Variants in JAZF1 observed in about 807,000 individuals in gnomAD.
JAZF1 encodes JAZF zinc finger 1.
Under a neutral mutation model 26.4 loss-of-function variants are expected in JAZF1, and 8 were observed. The observed-to-expected ratio is 0.30, with a 90% CI of 0.18 to 0.55. JAZF1 has a LOEUF of 0.55. Ranked by LOEUF, JAZF1 falls within the 20% of genes least tolerant of loss-of-function variation. JAZF1 has a pLI of 0.94. For missense variants in JAZF1, 199 were observed against 322.0 expected, an observed-to-expected ratio of 0.62 and a Z score of 2.92; for synonymous variants, 126 against 122.3, an observed-to-expected ratio of 1.03 and a Z score of -0.20.
intron 2 of JAZF1, among the ~76,000 whole-genome samples, chr7:27,962,942 C>G (rs571012844): frequency 6.6e-6 from 1 of 152,272 alleles, no homozygotes; most frequent in South Asian, 2.1e-4. Flanking sequence ...AGCTCTGAAG[C>G]TTAACAGAAA....
chr7:27,939,483 C>T (rs2099218219), intron 2 of JAZF1, among the ~76,000 whole-genome samples: 1 of 152,198 alleles, frequency 6.6e-6, no homozygotes, highest in South Asian at 2.1e-4. Flanking sequence ...TTTTAGAGGC[C>T]CCTGGATCTG....
chr7:28,001,883 T>C (rs1782595053), intron 1 of JAZF1, among the ~76,000 whole-genome samples: 1 of 152,216 alleles, frequency 6.6e-6, no homozygotes, highest in Non-Finnish European at 1.5e-5. Flanking sequence ...AGAAGACTTT[T>C]CTTATGTTAT....
At chr7:28,084,332 C>T (rs991581898) in intron 1 of JAZF1, among the ~76,000 whole-genome samples, 1 of 152,206 alleles carries the variant, frequency 6.6e-6, no homozygotes, top group Admixed American at 6.5e-5. Context: ...CCCTTTCCAT[C>T]AGGCCAACTA....
Position 27,899,298 on chromosome 7 carries a change from A to G in JAZF1, c.189-3882T>C, listed in dbSNP as rs187031179. Among the ~76,000 whole-genome samples the G allele has an allele frequency of 1.9e-3, 287 of 152,314 alleles. 2 individuals carry two copies. The highest frequency in any genetic ancestry group is 6.6e-3 in the African/African-American group (276 of 41,586). On this transcript the variant is annotated intron_variant, in intron 2 of 4. Coordinates refer to ENST00000283928, the MANE Select transcript of JAZF1 (RefSeq NM_175061.4). ...AGGACTATGTTCCCTGTTTCACCAA[A>G]TATCAGGTCTGGAAAGATTAACCGT...
chr7:28,077,004 A>G (rs1282008284), intron 1 of JAZF1, among the ~76,000 whole-genome samples: 1 of 152,186 alleles, frequency 6.6e-6, no homozygotes, highest in Non-Finnish European at 1.5e-5. Flanking sequence ...ACCCAGCTGC[A>G]GAGCATTAGA....
chr7:27,970,073 G>A (rs1327612746), intron 2 of JAZF1, among the ~76,000 whole-genome samples: 1 of 151,746 alleles, frequency 6.6e-6, no homozygotes, highest in East Asian at 1.9e-4. Context: ...GCTCACATGA[G>A]CAAATGACTT....
chr7:27,845,817 T>C (rs1335034347), intron 3 of JAZF1, among the ~76,000 whole-genome samples: 1 of 152,082 alleles, frequency 6.6e-6, no homozygotes, highest in Non-Finnish European at 1.5e-5. Flanking sequence ...TCTCCAGGTC[T>C]ACCTCATGCA....
chr7:27,887,408 G>GTATTTATT (rs113116861), intron 3 of JAZF1, among the ~76,000 whole-genome samples: 327 of 151,784 alleles, frequency 2.2e-3, no homozygotes, highest in African/African-American at 7.5e-3. Flanking sequence ...CCACTGATTT[G>GTATTTATT]TATTTATTTA....
chr7:28,078,033 T>G (rs1784080577), intron 1 of JAZF1, among the ~76,000 whole-genome samples: 1 of 152,182 alleles, frequency 6.6e-6, no homozygotes, highest in Admixed American at 6.5e-5. Flanking sequence ...TCCTGGCCTT[T>G]CCCATCTTTA....
chr7:27,846,767 T>C (rs1190212627), intron 3 of JAZF1, among the ~76,000 whole-genome samples: 1 of 152,166 alleles, frequency 6.6e-6, no homozygotes, highest in Non-Finnish European at 1.5e-5. Context: ...GAAAAATGCC[T>C]ATCCAGGTCC....
chr7:27,924,885 C>A (rs1784585457), intron 2 of JAZF1, among the ~76,000 whole-genome samples: 1 of 152,230 alleles, frequency 6.6e-6, no homozygotes, highest in African/African-American at 2.4e-5. Context: ...TCTAGCATCC[C>A]TTGGAACACA....
chr7:28,034,563 T>TAC (rs1783252505), intron 1 of JAZF1, among the ~76,000 whole-genome samples: 2 of 152,032 alleles, frequency 1.3e-5, no homozygotes, highest in Admixed American at 6.6e-5. Flanking sequence ...GAAAATATTC[T>TAC]TATTTTTCCC....
At chr7:28,041,105 A>C (rs963328122) in intron 1 of JAZF1, among the ~76,000 whole-genome samples, 4 of 152,190 alleles carry the variant, frequency 2.6e-5, no homozygotes, top group African/African-American at 9.7e-5. Flanking sequence ...TTAAAAATTA[A>C]AATGTGTGTA....
Position 27,831,640 on chromosome 7 carries a change from C to G in JAZF1, c.*1160G>C, listed in dbSNP as rs1372471227. On this transcript the variant is annotated 3_prime_UTR_variant, in exon 5 of 5. Transcript: ENST00000283928. ...TCAGCAAAGTGTTTGTTTTATAAAGCTAAACAGACATTTCCAATGAGAATG... is the reference window on the plus strand; with the variant it reads ...TCAGCAAAGTGTTTGTTTTATAAAGGTAAACAGACATTTCCAATGAGAATG... 4.4e-6 allele frequency: 1 copy of G among 225,574 alleles called. No homozygotes were observed. Among genetic ancestry groups the G allele is most frequent in the Admixed American group, 5.7e-5 (1 of 17,530 alleles). 14.0% of individuals were successfully genotyped at this position (225,574 alleles called of 1,614,324 possible). A position where few individuals can be genotyped will look rare whatever the true frequency, so the allele number is the denominator to read the frequency against.
intron 1 of JAZF1, among the ~76,000 whole-genome samples, chr7:28,041,604 G>C (rs1353072793): frequency 1.3e-5 from 2 of 151,994 alleles, no homozygotes; most frequent in African/African-American, 4.8e-5. Flanking sequence ...TCAGCCTAAG[G>C]GCAAGACCTA....
At chr7:27,863,415 G>A (rs1296765975) in intron 3 of JAZF1, among the ~76,000 whole-genome samples, 1 of 152,126 alleles carries the variant, frequency 6.6e-6, no homozygotes, top group Non-Finnish European at 1.5e-5. Flanking sequence ...ATGGGTGGCT[G>A]CTCAGCATTC....
intron 2 of JAZF1, among the ~76,000 whole-genome samples, chr7:27,970,729 A>C (rs1785359944): frequency 6.6e-6 from 1 of 152,262 alleles, no homozygotes; most frequent in East Asian, 1.9e-4. Flanking sequence ...TTAAAGAAGC[A>C]CACATTAGTG....
At chr7:27,983,558 T>C (rs1277854856) in intron 2 of JAZF1, among the ~76,000 whole-genome samples, 1 of 152,102 alleles carries the variant, frequency 6.6e-6, no homozygotes, top group Non-Finnish European at 1.5e-5. Flanking sequence ...TTCCCCAAAC[T>C]ACCAAGGCAG....
chr7:27,929,926 A>T (rs974044342), intron 2 of JAZF1, among the ~76,000 whole-genome samples: 1 of 142,040 alleles, frequency 7.0e-6, no homozygotes, highest in Non-Finnish European at 1.6e-5. Context: ...CTTCCTCCAT[A>T]TTTTCTGCAT....
Sources: allele counts gnomAD v4.1 joint callset (sites outside exome capture counted in the v4.1 genomes callset), GRCh38; gene constraint gnomAD v4.1.1; transcripts MANE v1.5; gene names NCBI Gene and HGNC (gene_info 2026-07-23, HGNC 2026-07-21).